The following CACNB2 variants were observed in gnomAD, a reference collection of about 807,000 sequenced individuals.
CACNB2 encodes the protein voltage-dependent L-type calcium channel subunit beta-2.
CACNB2 carries 42 observed loss-of-function variants against 73.3 expected under a neutral mutation model. That is an observed-to-expected ratio of 0.57 (90% CI 0.45 to 0.74). The LOEUF (loss-of-function observed/expected upper bound fraction) is 0.74. Among genes scored for constraint, CACNB2 ranks in the 30% least tolerant of loss-of-function variants. The pLI, the probability that CACNB2 is intolerant of heterozygous loss-of-function variation, is 0.00. For synonymous variants in CACNB2, 348 were observed against 310.3 expected, an observed-to-expected ratio of 1.12 and a Z score of -1.28; for missense variants, 940 against 853.0, an observed-to-expected ratio of 1.10 and a Z score of -1.27.
At chr10:18,434,249 C>T (rs911203065) in intron 3 of CACNB2, among the ~76,000 whole-genome samples, 8 of 151,972 alleles carry the variant, frequency 5.3e-5, no homozygotes, top group Non-Finnish European at 8.8e-5. Context: ...TAAATCATGA[C>T]CTCTATTCAT....
At chr10:18,499,953 A>G (rs2050103525) in intron 4 of CACNB2, among the ~76,000 whole-genome samples, 1 of 152,172 alleles carries the variant, frequency 6.6e-6, no homozygotes, top group Non-Finnish European at 1.5e-5. Context: ...CCTGGGCGAC[A>G]GAGCAAGACC....
intron 2 of CACNB2, among the ~76,000 whole-genome samples, chr10:18,363,621 G>A (rs1247477090): frequency 3.9e-5 from 6 of 152,188 alleles, no homozygotes; most frequent in African/African-American, 9.7e-5. Flanking sequence ...TTCAAAGCTA[G>A]TATTTAATAG....
chr10:18,349,579 C>A (rs918107533), intron 2 of CACNB2, among the ~76,000 whole-genome samples: 11 of 152,006 alleles, frequency 7.2e-5, no homozygotes, highest in Non-Finnish European at 1.5e-4. Context: ...GAGCCAGACA[C>A]AAGGAGACAA....
intron 3 of CACNB2, among the ~76,000 whole-genome samples, chr10:18,487,330 C>T (rs1003726707): frequency 1.3e-5 from 2 of 152,148 alleles, no homozygotes; most frequent in African/African-American, 4.8e-5. Flanking sequence ...TCTATGCTTT[C>T]AGCTTGATTT....
chr10:18,326,336 C>T (rs537428246), intron 2 of CACNB2, among the ~76,000 whole-genome samples: 5 of 152,308 alleles, frequency 3.3e-5, no homozygotes, highest in Admixed American at 2.6e-4. Context: ...AATTCAAAAT[C>T]ATGTTCCAAG....
chr10:18,402,144 G>C, intron 3 of CACNB2, 101 bp downstream of exon 3: 5 of 1,279,338 alleles, frequency 3.9e-6, no homozygotes, highest in Non-Finnish European at 5.6e-6. Context: ...ATCTATTAGA[G>C]AATTTCATTG....
intron 2 of CACNB2, among the ~76,000 whole-genome samples, chr10:18,318,335 T>C (rs2131937520): frequency 6.6e-6 from 1 of 152,238 alleles, no homozygotes; most frequent in South Asian, 2.1e-4. Flanking sequence ...TCTACAACCA[T>C]CTGATCTTCA....
chr10:18,403,419 C>CA (rs1199201010), intron 3 of CACNB2, among the ~76,000 whole-genome samples: 3 of 152,052 alleles, frequency 2.0e-5, no homozygotes, highest in Non-Finnish European at 4.4e-5. Context: ...AAGAAGAGTA[C>CA]AAAAAAACTA....
intron 3 of CACNB2, among the ~76,000 whole-genome samples, chr10:18,438,902 C>T (rs796087953): frequency 6.6e-6 from 1 of 152,198 alleles, no homozygotes; most frequent in Non-Finnish European, 1.5e-5. Context: ...TACAGCTCTT[C>T]CAAAGCAGAA....
At chr10:18,483,271 C>T (rs2048882703) in intron 3 of CACNB2, among the ~76,000 whole-genome samples, 1 of 151,710 alleles carries the variant, frequency 6.6e-6, no homozygotes, top group Non-Finnish European at 1.5e-5. Flanking sequence ...TGGCTCATGC[C>T]TGTAATCCCA....
chr10:18,383,519 T>G (rs1265666211), intron 2 of CACNB2, among the ~76,000 whole-genome samples: 2 of 152,166 alleles, frequency 1.3e-5, no homozygotes, highest in Non-Finnish European at 2.9e-5. Flanking sequence ...ATCGTCTTCA[T>G]GTGCCAAGCC....
At chr10:18,367,615 A>G (rs1417741521) in intron 2 of CACNB2, among the ~76,000 whole-genome samples, 2 of 152,164 alleles carry the variant, frequency 1.3e-5, no homozygotes, top group Admixed American at 6.5e-5. Context: ...AGAGTATATA[A>G]CTAATTAGGA....
At chr10:18,510,252 GGAAA>G (rs778669183) in intron 6 of CACNB2, among the ~76,000 whole-genome samples, 3 of 152,144 alleles carry the variant, frequency 2.0e-5, no homozygotes, top group Non-Finnish European at 2.9e-5. Flanking sequence ...CTATGTGTGT[GGAAA>G]GCCAAACACC....
intron 1 of CACNB2, among the ~76,000 whole-genome samples, chr10:18,149,171 G>A (rs1439054669): frequency 6.6e-6 from 1 of 152,030 alleles, no homozygotes; most frequent in Admixed American, 6.6e-5. Context: ...TTGCACATAG[G>A]TTAATATAAA....
intron 2 of CACNB2, among the ~76,000 whole-genome samples, chr10:18,241,196 C>G (rs973241981): frequency 2.0e-5 from 3 of 152,116 alleles, no homozygotes; most frequent in Non-Finnish European, 2.9e-5. Flanking sequence ...CAAGCTGTGC[C>G]CTGACCCCAC....
chr10:18,286,019 C>T (rs1285505091), intron 2 of CACNB2, among the ~76,000 whole-genome samples: 1 of 152,084 alleles, frequency 6.6e-6, no homozygotes, highest in East Asian at 1.9e-4. Flanking sequence ...CTTTAAAACC[C>T]AAATCTGTGG....
intron 2 of CACNB2, among the ~76,000 whole-genome samples, chr10:18,201,631 T>A (rs1405715647): frequency 6.6e-6 from 1 of 152,248 alleles, no homozygotes; most frequent in Non-Finnish European, 1.5e-5. Flanking sequence ...TACATAGTGA[T>A]GTTTCAATAC....
At chr10:18,259,730 CAGAAAAA>C (rs2037450137) in intron 2 of CACNB2, among the ~76,000 whole-genome samples, 1 of 112,554 alleles carries the variant, frequency 8.9e-6, no homozygotes, top group Non-Finnish European at 1.8e-5. Context: ...GACTCTGTCT[CAGAAAAA>C]AAAAAAAAAA....
chr10:18,531,404 C>G (rs1216087262), intron 10 of CACNB2, among the ~76,000 whole-genome samples: 11 of 152,176 alleles, frequency 7.2e-5, no homozygotes, highest in Admixed American at 7.2e-4. Context: ...TCTTTATCCA[C>G]TCCATCACTG....
Sources: allele counts gnomAD v4.1 joint callset (sites outside exome capture counted in the v4.1 genomes callset), GRCh38; gene constraint gnomAD v4.1.1; transcripts MANE v1.5; gene names NCBI Gene and HGNC (gene_info 2026-07-23, HGNC 2026-07-21).